DET1: variants seen among roughly 807,000 people sequenced by gnomAD.
DET1 encodes the protein DET1 partner of COP1 E3 ubiquitin ligase.
A neutral mutation model predicts 43.7 loss-of-function variants in DET1; 22 were observed. That is an observed-to-expected ratio of 0.50 (90% CI 0.36 to 0.72). The LOEUF (loss-of-function observed/expected upper bound fraction) is 0.72, where lower values mean the gene tolerates loss of function less well. DET1 is among the 30% of genes least tolerant of loss of function. DET1 has a pLI of 0.00. For missense variants in DET1, 713 were observed against 713.3 expected, an observed-to-expected ratio of 1.00 and a Z score of 0.00; for synonymous variants, 315 against 266.2, an observed-to-expected ratio of 1.18 and a Z score of -1.79.
intron 3 of DET1, among the ~76,000 whole-genome samples, chr15:88,522,737 C>T (rs1358498620): frequency 6.6e-6 from 1 of 151,694 alleles, no homozygotes; most frequent in East Asian, 1.9e-4. Context: ...CCAGGATGGT[C>T]TCCATCTCCT....
chr15:88,524,634 G>C (rs2056611097), intron 3 of DET1, among the ~76,000 whole-genome samples: 1 of 152,218 alleles, frequency 6.6e-6, no homozygotes, highest in African/African-American at 2.4e-5. Flanking sequence ...TTATCCTGTT[G>C]ATCTGTGACC....
intron 3 of DET1, among the ~76,000 whole-genome samples, chr15:88,523,933 C>A (rs969780558): frequency 6.6e-6 from 1 of 150,590 alleles, no homozygotes; most frequent in African/African-American, 2.5e-5. Flanking sequence ...CTCTGCCCGG[C>A]TGCCCAGTCT....
At chr15:88,524,374 C>T (rs1013130994) in intron 3 of DET1, among the ~76,000 whole-genome samples, 11 of 141,882 alleles carry the variant, frequency 7.8e-5, no homozygotes, top group African/African-American at 1.9e-4. Context: ...CCGCCCCGTC[C>T]GGGAGGTGGG....
chr15:88,523,586 C>G (rs971503552), intron 3 of DET1, among the ~76,000 whole-genome samples: 1 of 152,150 alleles, frequency 6.6e-6, no homozygotes, highest in African/African-American at 2.4e-5. Context: ...ATTGCAGGCG[C>G]GCACCGCCAC....
chr15:88,532,721 G>A (rs2056847862), intron 1 of DET1, among the ~76,000 whole-genome samples: 1 of 152,126 alleles, frequency 6.6e-6, no homozygotes, highest in Non-Finnish European at 1.5e-5. Context: ...ATGGTGTTGG[G>A]AAAACTGAAT....
At chr15:88,530,275 A>G (rs2056775738) in intron 2 of DET1, among the ~76,000 whole-genome samples, 1 of 152,202 alleles carries the variant, frequency 6.6e-6, no homozygotes, top group Non-Finnish European at 1.5e-5. Context: ...CCAGACCAAT[A>G]ATACAGTCTT....
downstream of DET1, among the ~76,000 whole-genome samples, chr15:88,511,044 T>C (rs1438945794): frequency 6.6e-6 from 1 of 152,198 alleles, no homozygotes. Flanking sequence ...AGTGCTGGGA[T>C]TACAGGCATG....
chr15:88,513,616 TAGTG>T (rs2056254810), intron 4 of DET1, among the ~76,000 whole-genome samples: 1 of 147,452 alleles, frequency 6.8e-6, no homozygotes. Context: ...ATCAAACTAT[TAGTG>T]AGTTTTTTTT....
chr15:88,543,014 T>C (rs2057152164), intron 1 of DET1, among the ~76,000 whole-genome samples: 1 of 152,234 alleles, frequency 6.6e-6, no homozygotes, highest in Non-Finnish European at 1.5e-5. Flanking sequence ...GCAAAGCCCT[T>C]GTATACTGCT....
In DET1 at chr15:88,515,538, T is replaced by TAAAAAAAAAAAAAAAAAAAAA. The variant is rs1491544233; in HGVS notation, c.1463+1243_1463+1244insTTTTTTTTTTTTTTTTTTTTT. Among the ~76,000 whole-genome samples the TAAAAAAAAAAAAAAAAAAAAA allele has an allele frequency of 4.2e-5, 2 of 47,480 alleles. 1 individual carries two copies. Among genetic ancestry groups the TAAAAAAAAAAAAAAAAAAAAA allele is most frequent in the Non-Finnish European group, 6.9e-5 (2 of 29,194 alleles). 31.1% of individuals were successfully genotyped at this position (47,480 alleles called of 152,430 possible). A position where few individuals can be genotyped will look rare whatever the true frequency, so the allele number is the denominator to read the frequency against. On this transcript the variant is annotated intron_variant, in intron 4 of 4. Coordinates refer to ENST00000268148, the MANE Select transcript of DET1 (RefSeq NM_001144074.3). ...TGGGCAACAGACAGAGACTCCGTCTTATAAAAAAAAAAAAAAAAAAAAAAA... is the reference window on the plus strand; with the variant it reads ...TGGGCAACAGACAGAGACTCCGTCTTAAAAAAAAAAAAAAAAAAAAAATAAAAAAAAAAAAAAAAAAAAAAA...
rs759151797 is a variant in DET1, at chr15:88,531,520, C to G, written c.186G>C (p.Leu62Phe). 4 of 1,613,970 alleles carry G rather than the reference C, an allele frequency of 2.5e-6. No homozygotes were observed. Among genetic ancestry groups the G allele is most frequent in the Admixed American group, 3.3e-5 (2 of 60,026 alleles). ...VVNVEKPPCF[L>F]RKFSPDGRYF... is the part of the protein sequence containing the mutation. ...AGCGTCCATCAGGTGAGAATTTACG[C>G]AAGAAACAAGGAGGCTTTTCAACGT... The change falls in exon 2 of 5, where the codon TTG (leucine) becomes TTC (phenylalanine). Residue 62 changes from leucine to phenylalanine, a missense_variant. Leu to Phe is a conservative substitution (Grantham distance 22). Coordinates refer to ENST00000268148, the MANE Select transcript of DET1 (RefSeq NM_001144074.3). This position sits in a 1 kb window ranked among gnomAD's most constrained non-coding sequence, Gnocchi z 6.2.
At chr15:88,525,185 T>C (rs1252788000) in intron 3 of DET1, among the ~76,000 whole-genome samples, 1 of 152,220 alleles carries the variant, frequency 6.6e-6, no homozygotes, top group African/African-American at 2.4e-5. Flanking sequence ...AGCATCCTTT[T>C]GTTATATTTT....
chr15:88,516,880 G>C lies in DET1; in HGVS notation c.1365C>G (p.Tyr455Ter). The C allele has an allele frequency of 6.2e-7, 1 of 1,611,554 alleles. No homozygotes were observed. Among genetic ancestry groups the C allele is most frequent in the Non-Finnish European group, 8.5e-7 (1 of 1,178,852 alleles). ...LGQLPISAQSYSGSPYLDLSL... is the reference protein window; with the variant it reads ...LGQLPISAQS ...ACAAATCCAGATAGGGGCTACCGCT[G>C]TAAGACTGAGCACTGATGGGGAGCT... The change falls in exon 4 of 5, where the codon TAC becomes TAG. Residue 455 changes from tyrosine to a stop codon, truncating the protein, a stop_gained. Coordinates refer to ENST00000268148, the MANE Select transcript of DET1 (RefSeq NM_001144074.3). LOFTEE classifies it high-confidence loss of function. This position sits in a 1 kb window ranked among gnomAD's most constrained non-coding sequence, Gnocchi z 4.4.
At chr15:88,515,806 G>A (rs2056329989) in intron 4 of DET1, among the ~76,000 whole-genome samples, 1 of 151,996 alleles carries the variant, frequency 6.6e-6, no homozygotes. Context: ...GGAGGGAGTA[G>A]GGGTCGTGAT....
intron 3 of DET1, among the ~76,000 whole-genome samples, chr15:88,520,522 C>T (rs2056462196): frequency 6.6e-6 from 1 of 152,192 alleles, no homozygotes; most frequent in African/African-American, 2.4e-5. Context: ...TCTCTACTTA[C>T]AGAACTTTTG....
In DET1 at chr15:88,539,333, A is replaced by C. The variant is rs142586079; in HGVS notation, c.-11+7207T>G. Among the ~76,000 whole-genome samples, 1,226 of 151,904 alleles carry C rather than the reference A, an allele frequency of 8.1e-3. 12 individuals carry two copies. The highest frequency in any genetic ancestry group is 0.017 in the Middle Eastern group (5 of 294). The stretch of plus-strand genomic sequence containing the variant: ...GCAGCATCGGACATAGCTCGATCCA[A>C]GCCGGGGGTTTATACCGGCCTGCCA... On this transcript the variant is annotated intron_variant, in intron 1 of 4. Coordinates refer to ENST00000268148, the MANE Select transcript of DET1 (RefSeq NM_001144074.3).
intron 3 of DET1, among the ~76,000 whole-genome samples, chr15:88,525,317 G>A (rs1055527558): frequency 6.6e-6 from 1 of 152,156 alleles, no homozygotes; most frequent in Non-Finnish European, 1.5e-5. Flanking sequence ...AAAAATATGT[G>A]AGGGTACCCC....
chr15:88,538,437 T>C (rs945405731), intron 1 of DET1, among the ~76,000 whole-genome samples: 4 of 151,406 alleles, frequency 2.6e-5, no homozygotes, highest in Admixed American at 6.6e-5. Flanking sequence ...ATTTATCCTT[T>C]TAACTTTTTG....
intron 1 of DET1, among the ~76,000 whole-genome samples, chr15:88,540,242 C>T (rs960999995): frequency 1.3e-5 from 2 of 152,142 alleles, no homozygotes; most frequent in South Asian, 2.1e-4. Flanking sequence ...AGGGAGAACG[C>T]CTAGATCCAA....
Sources: allele counts gnomAD v4.1 joint callset (sites outside exome capture counted in the v4.1 genomes callset), GRCh38; gene constraint gnomAD v4.1.1; non-coding constraint Gnocchi (gnomAD v3.1); transcripts MANE v1.5; gene names NCBI Gene and HGNC (gene_info 2026-07-23, HGNC 2026-07-21).